Variants in TENM1 observed in about 807,000 individuals in gnomAD.
The protein encoded by TENM1 is teneurin transmembrane protein 1.
TENM1 carries 35 observed loss-of-function variants against 174.8 expected under a neutral mutation model. That is an observed-to-expected ratio of 0.20 (90% confidence interval 0.15 to 0.27). The LOEUF is 0.27. TENM1 is among the 10% of genes least tolerant of loss of function. The pLI is 1.00. For missense variants in TENM1, 1,633 were observed against 2,130.1 expected, an observed-to-expected ratio of 0.77 and a Z score of 4.59; for synonymous variants, 781 against 798.7, an observed-to-expected ratio of 0.98 and a Z score of 0.37.
At chrX:124,760,068 G>A (rs1177527096) in intron 3 of TENM1, among the ~76,000 whole-genome samples, 1 of 111,841 alleles carries the variant, frequency 8.9e-6, no homozygotes, top group Non-Finnish European at 1.9e-5. Flanking sequence ...GCACTGGGAG[G>A]AAGGGGTGGA....
chrX:125,104,087 T>C, the TENM1 span, among the ~76,000 whole-genome samples: 3 of 112,183 alleles, frequency 2.7e-5, no homozygotes, highest in Admixed American at 1.9e-4. Context: ...AGAAAGTTCA[T>C]TCATGTCACC....
chrX:124,862,260 C>G (rs7066761), intron 3 of TENM1, among the ~76,000 whole-genome samples: 9,971 of 111,496 alleles, frequency 0.089, 1,046 homozygotes, highest in African/African-American at 0.31. Flanking sequence ...AAGGCACCAA[C>G]TTAACAGCTA....
intron 3 of TENM1, among the ~76,000 whole-genome samples, chrX:124,781,846 T>C (rs1419967585): frequency 9.0e-6 from 1 of 111,518 alleles, no homozygotes; most frequent in Non-Finnish European, 1.9e-5. Flanking sequence ...GGGTGGGCTT[T>C]CTAAAAACTA....
At chrX:124,985,425 A>T in the TENM1 span, among the ~76,000 whole-genome samples, 1 of 112,293 alleles carries the variant, frequency 8.9e-6, no homozygotes, top group African/African-American at 3.2e-5. Context: ...GTGTCACCTT[A>T]AAGCACTTAT....
At chrX:125,187,413 G>A in the TENM1 span, among the ~76,000 whole-genome samples, 1 of 111,838 alleles carries the variant, frequency 8.9e-6, no homozygotes, top group African/African-American at 3.3e-5. Flanking sequence ...GGAGTTATCA[G>A]AGATATATAC....
chrX:124,847,334 C>A (rs2056629269), intron 3 of TENM1, among the ~76,000 whole-genome samples: 2 of 111,752 alleles, frequency 1.8e-5, no homozygotes, highest in South Asian at 7.4e-4. Flanking sequence ...TAATATAAAT[C>A]TTGTTTAATC....
the TENM1 span, among the ~76,000 whole-genome samples, chrX:125,103,357 T>C: frequency 1.8e-5 from 2 of 111,645 alleles, no homozygotes; most frequent in Admixed American, 9.5e-5. Context: ...TGTCTCATTT[T>C]GTTTTCATTT....
the TENM1 span, among the ~76,000 whole-genome samples, chrX:125,131,415 C>T: frequency 8.9e-6 from 1 of 112,013 alleles, no homozygotes; most frequent in Non-Finnish European, 1.9e-5. Context: ...TTCCAGATCT[C>T]AAAATGTGGG....
the TENM1 span, among the ~76,000 whole-genome samples, chrX:125,176,364 T>A: frequency 1.8e-5 from 2 of 111,698 alleles, no homozygotes; most frequent in African/African-American, 6.5e-5. Flanking sequence ...CCATCAGTAA[T>A]GAAGTAGGCA....
At chrX:124,384,419 A>G in exon 30 of TENM1, 1 of 1,211,360 alleles carries the variant, frequency 8.3e-7, no homozygotes, top group African/African-American at 1.7e-5. Flanking sequence ...TTTGTCATTT[A>G]CAGAAACAGT....
intron 22 of TENM1, among the ~76,000 whole-genome samples, chrX:124,467,719 G>A (rs1223541114): frequency 9.0e-6 from 1 of 111,716 alleles, no homozygotes; most frequent in African/African-American, 3.3e-5. Context: ...GAATAGTCAG[G>A]CATACATTTG....
At chrX:124,644,100 T>C (rs2051089736) in intron 10 of TENM1, among the ~76,000 whole-genome samples, 1 of 100,487 alleles carries the variant, frequency 1.0e-5, no homozygotes, top group East Asian at 3.0e-4. Flanking sequence ...CATATATATA[T>C]GTATATGGCA....
intron 4 of TENM1, among the ~76,000 whole-genome samples, chrX:124,713,826 A>G (rs1207492680): frequency 8.9e-6 from 1 of 112,080 alleles, no homozygotes; most frequent in Non-Finnish European, 1.9e-5. Flanking sequence ...GTCTAAGGTA[A>G]GTGTTCTATT....
At chrX:125,094,759 T>G in the TENM1 span, among the ~76,000 whole-genome samples, 1 of 112,232 alleles carries the variant, frequency 8.9e-6, no homozygotes, top group African/African-American at 3.2e-5. Context: ...GTTGTATAAG[T>G]CAGGTGATAT....
At chrX:124,624,515 T>A (rs1049857859) in intron 11 of TENM1, among the ~76,000 whole-genome samples, 1 of 112,258 alleles carries the variant, frequency 8.9e-6, no homozygotes, top group Non-Finnish European at 1.9e-5. Flanking sequence ...TCAATAACTA[T>A]TATGTGCCAG....
the TENM1 span, among the ~76,000 whole-genome samples, chrX:125,027,308 C>G: frequency 9.0e-6 from 1 of 111,312 alleles, no homozygotes; most frequent in African/African-American, 3.3e-5. Context: ...AGCAAGGTTC[C>G]ATTTACAGTA....
intron 5 of TENM1, among the ~76,000 whole-genome samples, chrX:124,699,171 T>C (rs1394548753): frequency 9.0e-6 from 1 of 111,696 alleles, no homozygotes; most frequent in Non-Finnish European, 1.9e-5. Context: ...CTAAATTTCT[T>C]CTTTATGAAA....
chrX:124,381,711 A>G (rs1338527621), intron 31 of TENM1, among the ~76,000 whole-genome samples: 2 of 111,940 alleles, frequency 1.8e-5, no homozygotes, highest in East Asian at 5.6e-4. Flanking sequence ...TTCCTACTTT[A>G]AAGAGTTTAA....
In TENM1 at chrX:124,881,882, C is replaced by T. The variant is rs772818105; in HGVS notation, c.535+12414G>A. On this transcript the variant is annotated intron_variant, in intron 3 of 31. Transcript: ENST00000422452. Reference sequence around the variant, plus strand: ...TAGCTGGGATTACAGGCACCTGCCACCATGCCCGGCTAATTTTTGTATTTT... The same window carrying T: ...TAGCTGGGATTACAGGCACCTGCCATCATGCCCGGCTAATTTTTGTATTTT... Among the ~76,000 whole-genome samples, 58 of 110,991 alleles carry T rather than the reference C, an allele frequency of 5.2e-4. 1 individual carries two copies. The South Asian group carries it at 0.022, about 42-fold the overall frequency.
Sources: gnomAD v4.1 joint callset for allele counts (sites outside exome capture counted in the v4.1 genomes callset) on GRCh38, gnomAD v4.1.1 for gene constraint, MANE v1.5 for transcripts, NCBI Gene and HGNC (gene_info 2026-07-23, HGNC 2026-07-21) for gene names.